ANXA2: variants seen among roughly 807,000 people sequenced by gnomAD.
ANXA2 encodes annexin II.
ANXA2 carries 28 observed loss-of-function variants against 47.3 expected under a neutral mutation model. The observed-to-expected ratio is 0.59, with a 90% CI of 0.44 to 0.81. The LOEUF (loss-of-function observed/expected upper bound fraction) is 0.81, where lower values mean the gene tolerates loss of function less well. Among genes scored for constraint, ANXA2 ranks in the 40% least tolerant of loss-of-function variants. ANXA2 has a pLI of 0.00. For missense variants in ANXA2, 384 were observed against 414.3 expected (o/e 0.93, Z 0.64); for synonymous variants, 172 against 155.5 (o/e 1.11, Z -0.79).
intron 3 of ANXA2, among the ~76,000 whole-genome samples, chr15:60,378,931 A>G (rs2062817208): frequency 6.6e-6 from 1 of 151,956 alleles, no homozygotes; most frequent in Admixed American, 6.6e-5. Context: ...GTGCCACTGC[A>G]CTCCAGCCTG....
intron 4 of ANXA2, among the ~76,000 whole-genome samples, chr15:60,361,685 C>T (rs1030892552): frequency 6.6e-6 from 1 of 152,154 alleles, no homozygotes; most frequent in African/African-American, 2.4e-5. Flanking sequence ...CTAACACCCC[C>T]GAACTGGCCC....
At chr15:60,397,872 C>T (rs779903896) in intron 1 of ANXA2, 71 bp downstream of exon 1, 5 of 1,382,488 alleles carry the variant, frequency 3.6e-6, no homozygotes, top group Non-Finnish European at 4.7e-6. Context: ...AGGCCGTACC[C>T]TTCTTCCCAG....
chr15:60,376,673 C>T (rs1319453902), intron 3 of ANXA2, among the ~76,000 whole-genome samples: 1 of 152,218 alleles, frequency 6.6e-6, no homozygotes, highest in African/African-American at 2.4e-5. Context: ...CCAAGAAGAG[C>T]AGGTGTGACT....
intron 3 of ANXA2, among the ~76,000 whole-genome samples, chr15:60,377,782 CTTTTTT>C: frequency 6.6e-6 from 1 of 151,850 alleles, no homozygotes; most frequent in Non-Finnish European, 1.5e-5. Context: ...TTTATTTTTT[CTTTTTT>C]GATTAAAAGA....
chr15:60,351,321 C>T, intron 10 of ANXA2, 70 bp from the exon 11 acceptor site: 1 of 1,509,030 alleles, frequency 6.6e-7, no homozygotes, highest in Non-Finnish European at 9.2e-7. Context: ...AGAGAGGATG[C>T]CCTGGCCCTG....
chr15:60,390,163 A>G (rs982232634), intron 1 of ANXA2: 11 of 584,050 alleles, frequency 1.9e-5, no homozygotes, highest in Admixed American at 1.8e-4. Context: ...CATTTTGCAG[A>G]AAAAAAAAAC....
Position 60,354,226 on chromosome 15 carries a change from G to A in ANXA2, c.529-13C>T, listed in dbSNP as rs1335838601. On this transcript the variant is annotated splice_polypyrimidine_tract_variant and intron_variant, in intron 7 of 12. Coordinates refer to ENST00000451270, the MANE Select transcript of ANXA2 (RefSeq NM_004039.3). ...CTGCTCTTCTACCCTATGGGGGAAA[G>A]AAAAAGAACTTCAAATACATTTCTT... The A allele has an allele frequency of 6.3e-7, 1 of 1,599,174 alleles. No homozygotes were observed.
intron 1 of ANXA2, chr15:60,390,222 G>A (rs565688378): frequency 2.0e-6 from 2 of 990,630 alleles, no homozygotes; most frequent in East Asian, 1.0e-4. Context: ...CCACAAAGCA[G>A]TATCTATGAA....
intron 1 of ANXA2, among the ~76,000 whole-genome samples, chr15:60,391,721 A>C (rs2063013728): frequency 1.3e-5 from 2 of 152,206 alleles, no homozygotes; most frequent in Admixed American, 1.3e-4. Flanking sequence ...TGTATGAGAC[A>C]ATTTCACCTC....
rs1464380936 is a variant in ANXA2, at chr15:60,349,100, C to T, written c.935G>A (p.Gly312Asp). Residue 312 changes from glycine to aspartate, a missense_variant, in exon 12 of 13, where the codon GGC (glycine) becomes GAC (aspartate). Gly to Asp is a moderately conservative substitution (Grantham distance 94). Transcript: ENST00000451270. ...KIRSEFKRKY[G>D]KSLYYYIQQD... ...CTGGATATAATAGTACAGGGACTTGCCGTACTTTCTCTTGAATTCAGACCT... is the reference window on the plus strand; with the variant it reads ...CTGGATATAATAGTACAGGGACTTGTCGTACTTTCTCTTGAATTCAGACCT... 1 of 1,613,962 alleles carries T rather than the reference C, an allele frequency of 6.2e-7. No homozygotes were observed. Among genetic ancestry groups the T allele is most frequent in the East Asian group, 2.2e-5 (1 of 44,890 alleles).
intron 3 of ANXA2, among the ~76,000 whole-genome samples, chr15:60,380,008 T>C (rs1320093175): frequency 1.3e-5 from 2 of 152,172 alleles, no homozygotes; most frequent in African/African-American, 4.8e-5. Context: ...CCATCTTTGC[T>C]AGATGAGTTA....
intron 2 of ANXA2, chr15:60,384,913 C>G (rs1166294121): frequency 6.6e-6 from 1 of 152,204 alleles, no homozygotes; most frequent in African/African-American, 2.4e-5. Context: ...AAACCAGTAT[C>G]AGTGCTGAGT....
At chr15:60,379,396 G>C (rs1449687424) in intron 3 of ANXA2, among the ~76,000 whole-genome samples, 6 of 152,150 alleles carry the variant, frequency 3.9e-5, no homozygotes, top group Non-Finnish European at 8.8e-5. Context: ...CCACAAATAT[G>C]AGACTTAACA....
intron 5 of ANXA2, among the ~76,000 whole-genome samples, chr15:60,360,401 G>A (rs1300969599): frequency 2.0e-5 from 3 of 152,072 alleles, no homozygotes; most frequent in Non-Finnish European, 2.9e-5. Context: ...AAAAGATAAC[G>A]TGCATTGAGA....
rs773345693 is a variant in ANXA2 at position 60,349,212 on chromosome 15, G to A, written c.838-15C>T. 2 of 1,613,368 alleles carry A rather than the reference G, an allele frequency of 1.2e-6. No homozygotes were observed. The highest frequency in any genetic ancestry group is 3.3e-5 in the Admixed American group (2 of 59,982). On this transcript the variant is annotated splice_polypyrimidine_tract_variant and intron_variant, in intron 11 of 12. Coordinates refer to ENST00000451270, the MANE Select transcript of ANXA2 (RefSeq NM_004039.3). ...GTCCCCTTGCCCTGAAAATCAAGTT[G>A]ATATTTGTTACATTCGCTGAGAATG...
At chr15:60,368,857 A>C (rs112804565) in intron 3 of ANXA2, among the ~76,000 whole-genome samples, 239 of 152,334 alleles carry the variant, frequency 1.6e-3, no homozygotes, top group African/African-American at 5.4e-3. Flanking sequence ...TAAATACTTC[A>C]GTTAGAAAAC....
chr15:60,369,330 A>G (rs1048459226), intron 3 of ANXA2, among the ~76,000 whole-genome samples: 13 of 152,138 alleles, frequency 8.5e-5, no homozygotes, highest in African/African-American at 2.7e-4. Flanking sequence ...TCAAAATTCT[A>G]TGGCTCTAGG....
chr15:60,389,785 C>T (rs2062982970), intron 1 of ANXA2, among the ~76,000 whole-genome samples: 1 of 152,206 alleles, frequency 6.6e-6, no homozygotes, highest in South Asian at 2.1e-4. Flanking sequence ...TCCTCAGCTA[C>T]AGTTGACTAG....
At chr15:60,382,664 T>G in intron 2 of ANXA2, 1 of 372,332 alleles carries the variant, frequency 2.7e-6, no homozygotes, top group Non-Finnish European at 5.0e-6. Context: ...ATATGCTGTC[T>G]CAATTTCAAC....
Sources: allele counts gnomAD v4.1 joint callset (sites outside exome capture counted in the v4.1 genomes callset), GRCh38; gene constraint gnomAD v4.1.1; transcripts MANE v1.5; gene names NCBI Gene and HGNC (gene_info 2026-07-23, HGNC 2026-07-21).